The following DPYSL5 variants were observed in gnomAD, a reference collection of about 807,000 sequenced individuals.
The protein encoded by DPYSL5 is dihydropyrimidinase like 5.
Under a neutral mutation model 58.4 loss-of-function variants are expected in DPYSL5, and 9 were observed. The ratio of observed to expected loss-of-function variants is 0.15; its 90% confidence interval spans 0.09 to 0.27. The LOEUF (loss-of-function observed/expected upper bound fraction) is 0.27, where lower values mean the gene tolerates loss of function less well. DPYSL5 is among the 10% of genes least tolerant of loss of function. The pLI, the probability that DPYSL5 is intolerant of heterozygous loss-of-function variation, is 1.00. For synonymous variants in DPYSL5, 293 were observed against 301.9 expected, an observed-to-expected ratio of 0.97 and a Z score of 0.31; for missense variants, 499 against 770.6, an observed-to-expected ratio of 0.65 and a Z score of 4.17.
intron 1 of DPYSL5, among the ~76,000 whole-genome samples, chr2:26,871,183 G>A (rs1663254721): frequency 6.6e-6 from 1 of 152,080 alleles, no homozygotes; most frequent in South Asian, 2.1e-4. Flanking sequence ...GTGGCCCCCA[G>A]AGCTTAACCT....
intron 1 of DPYSL5, among the ~76,000 whole-genome samples, chr2:26,862,956 G>A (rs1405067667): frequency 2.6e-5 from 4 of 152,074 alleles, no homozygotes; most frequent in Non-Finnish European, 4.4e-5. Flanking sequence ...GGAGGGGAGG[G>A]GACTTGTTGA....
chr2:26,942,869 C>CT lies in DPYSL5; in HGVS notation c.1440+122dup. 1 of 1,170,248 alleles carries CT rather than the reference C, an allele frequency of 8.5e-7. No homozygotes were observed. The highest frequency in any genetic ancestry group is 1.5e-5 in the South Asian group (1 of 67,600). The allele number at this position is 1,170,248 out of a possible 1,614,324, so 72.5% of individuals were successfully genotyped here. A position where few individuals can be genotyped will look rare whatever the true frequency, so the allele number is the denominator to read the frequency against. On this transcript the variant is annotated intron_variant, in intron 11 of 12. Transcript: ENST00000288699. This position sits in a 1 kb window ranked among gnomAD's most constrained non-coding sequence, Gnocchi z 5.9. ...CAGTTTTCGACCCAATTCCATTGCA[C>CT]TTTCTCCAGCGTTGAGAGGGGAGTG...
rs932368416 is a variant in DPYSL5, at chr2:26,942,436, C to T, written c.1233-107C>T. The T allele has an allele frequency of 1.6e-6, 2 of 1,271,922 alleles. No individual in the cohort carries two copies. The highest frequency in any genetic ancestry group is 2.5e-5 in the East Asian group (1 of 39,316). 78.8% of individuals were successfully genotyped at this position (1,271,922 alleles called of 1,614,324 possible). ...TTCAGCAGAAGAATTTTGAAGGGAG[C>T]CAATTCAACCCATAACAACCAGCCT... On this transcript the variant is annotated intron_variant, in intron 10 of 12. Transcript: ENST00000288699. The surrounding 1 kb of genome is among the most constrained non-coding windows in gnomAD (Gnocchi z 5.9).
intron 2 of DPYSL5, among the ~76,000 whole-genome samples, chr2:26,913,396 C>A (rs1288619330): frequency 6.6e-6 from 1 of 152,176 alleles, no homozygotes; most frequent in Non-Finnish European, 1.5e-5. Flanking sequence ...TTTCACTTAG[C>A]ATAAGGTCCT....
intron 8 of DPYSL5, among the ~76,000 whole-genome samples, chr2:26,936,945 T>TAAAAAAA (rs55795892): frequency 1.4e-4 from 11 of 77,896 alleles, no homozygotes; most frequent in African/African-American, 4.5e-4. Flanking sequence ...AGACTTCATT[T>TAAAAAAA]AAAAAAAAAA....
Position 26,946,893 on chromosome 2 carries a change from T to C in DPYSL5, c.1610-17T>C. On this transcript the variant is annotated splice_polypyrimidine_tract_variant and intron_variant, in intron 12 of 12. Transcript: ENST00000288699. The stretch of plus-strand genomic sequence containing the variant: ...GCACAAGAGCCCGTCTCACCCTCTG[T>C]GCTTCCTTCCCTGCAGGCTCTCAGA... 6.2e-7 allele frequency: 1 copy of C among 1,611,028 alleles called. No homozygotes were observed. Among genetic ancestry groups the C allele is most frequent in the Admixed American group, 1.7e-5 (1 of 60,008 alleles).
intron 8 of DPYSL5, chr2:26,939,809 T>C: frequency 1.8e-6 from 1 of 545,278 alleles, no homozygotes; most frequent in Non-Finnish European, 3.2e-6. Context: ...TGAAGTCTCC[T>C]GTGACACAGA....
At position 26,940,061 on chromosome 2, in the gene DPYSL5, C is replaced by T. The variant is rs894361714; in HGVS notation, c.978C>T (p.His326=). 9.9e-6 allele frequency: 16 copies of T among 1,614,216 alleles called. No homozygotes were observed. The highest frequency in any genetic ancestry group is 2.2e-5 in the South Asian group (2 of 91,084). ...CTCTGAACATCGTGGCATCAGATCA[C>T]CGGCCTTTCACCACAAAGCAGAAAG... is the stretch of plus-strand genomic sequence containing the variant. The part of the protein sequence containing the change: ...NDTLNIVASD[H]RPFTTKQKAM... Residue 326 remains histidine, a synonymous_variant, in exon 9 of 13, where the codon CAC becomes CAT. Transcript: ENST00000288699.
Position 26,890,585 on chromosome 2 carries a change from G to A in DPYSL5, c.-4-7911G>A, listed in dbSNP as rs941586418. Among the ~76,000 whole-genome samples, 3 of 152,180 alleles carry A rather than the reference G, an allele frequency of 2.0e-5. No homozygotes were observed. The East Asian group carries it at 5.8e-4, about 29-fold the overall frequency. ...GAGGCTGGGCCATCACTCACACTGC[G>A]GTGTCTCTACTGAGCTGCTTTAGAT... On this transcript the variant is annotated intron_variant, in intron 1 of 12. Transcript: ENST00000288699.
At chr2:26,900,741 C>G (rs528220283) in intron 2 of DPYSL5, among the ~76,000 whole-genome samples, 1 of 152,296 alleles carries the variant, frequency 6.6e-6, no homozygotes, top group African/African-American at 2.4e-5. Flanking sequence ...ACTGACATCA[C>G]CAGTCCATTC....
rs1558359273 is a variant in DPYSL5, at chr2:26,947,039, A to G, written c.*44A>G. 16 of 1,485,328 alleles carry G rather than the reference A, an allele frequency of 1.1e-5. No individual in the cohort carries two copies. The highest frequency in any genetic ancestry group is 1.5e-5 in the Non-Finnish European group (16 of 1,072,728). The allele number at this position is 1,485,328 out of a possible 1,614,324, so 92.0% of individuals were successfully genotyped here. On this transcript the variant is annotated 3_prime_UTR_variant, in exon 13 of 13. Coordinates refer to ENST00000288699, the MANE Select transcript of DPYSL5 (RefSeq NM_020134.4). The surrounding 1 kb of genome is among the most constrained non-coding windows in gnomAD (Gnocchi z 4.2). Reference sequence around the variant, plus strand: ...CGAGTGAGGACGCACCGCCGCCACCAGCCCGCAACTCTCCAGCCGAAGCTG... The same window carrying G: ...CGAGTGAGGACGCACCGCCGCCACCGGCCCGCAACTCTCCAGCCGAAGCTG...
chr2:26,910,079 T>C (rs1318883547), intron 2 of DPYSL5, among the ~76,000 whole-genome samples: 2 of 152,242 alleles, frequency 1.3e-5, no homozygotes, highest in Admixed American at 1.3e-4. Context: ...AGTTTGCATT[T>C]TCTACTATTT....
At chr2:26,918,306 T>C (rs769036680) in intron 2 of DPYSL5, among the ~76,000 whole-genome samples, 1 of 152,270 alleles carries the variant, frequency 6.6e-6, no homozygotes, top group East Asian at 1.9e-4. Context: ...CCAGGTACCA[T>C]ACATGCATCA....
chr2:26,884,962 G>A (rs1663676646), intron 1 of DPYSL5, among the ~76,000 whole-genome samples: 1 of 152,300 alleles, frequency 6.6e-6, no homozygotes, highest in East Asian at 1.9e-4. Flanking sequence ...ACTTTGGGAG[G>A]CTGAGGCAGG....
intron 2 of DPYSL5, among the ~76,000 whole-genome samples, chr2:26,918,103 T>C (rs1664613162): frequency 1.7e-5 from 2 of 117,360 alleles, no homozygotes; most frequent in East Asian, 2.9e-4. Context: ...GCCACTGCAC[T>C]CCAGCCTGGG....
intron 5 of DPYSL5, among the ~76,000 whole-genome samples, chr2:26,931,195 GTGTGTGTGTATATATATATATA>G (rs1558350615): frequency 1.1e-4 from 6 of 53,974 alleles, no homozygotes; most frequent in African/African-American, 3.1e-4. Context: ...GTGTGTGTGT[GTGTGTGTGTATATATATATATA>G]TATATATATA....
intron 1 of DPYSL5, among the ~76,000 whole-genome samples, chr2:26,856,462 G>A (rs72850585): frequency 0.019 from 2,964 of 152,182 alleles, 103 homozygotes; most frequent in African/African-American, 0.068. Flanking sequence ...TCTTACTGTT[G>A]TATCTAATTT....
chr2:26,942,166 A>G lies in DPYSL5; in HGVS notation c.1232+74A>G, dbSNP rs947746217. ...AGAAGACTTGCATTACAGATCTCCAAAAGCATATAATTTTGCACTATTTCT... is the reference window on the plus strand; with the variant it reads ...AGAAGACTTGCATTACAGATCTCCAGAAGCATATAATTTTGCACTATTTCT... On this transcript the variant is annotated intron_variant, in intron 10 of 12. Transcript: ENST00000288699. The surrounding 1 kb of genome is among the most constrained non-coding windows in gnomAD (Gnocchi z 5.9). 61 of 1,588,342 alleles carry G rather than the reference A, an allele frequency of 3.8e-5. No individual in the cohort carries two copies. The African/African-American group carries it at 4.9e-4, about 13-fold the overall frequency.
chr2:26,865,534 T>C (rs1169293651), intron 1 of DPYSL5, among the ~76,000 whole-genome samples: 1 of 152,082 alleles, frequency 6.6e-6, no homozygotes, highest in African/African-American at 2.4e-5. Flanking sequence ...AGGACGGTCT[T>C]GATCTCCTGA....
Sources: gnomAD v4.1 joint callset for allele counts (sites outside exome capture counted in the v4.1 genomes callset) on GRCh38, gnomAD v4.1.1 for gene constraint, Gnocchi (gnomAD v3.1) non-coding constraint, MANE v1.5 for transcripts, NCBI Gene and HGNC (gene_info 2026-07-23, HGNC 2026-07-21) for gene names.